Variants in MALT1 observed in about 807,000 individuals in gnomAD.
The protein encoded by MALT1 is mucosa-associated lymphoid tissue lymphoma translocation protein 1.
Under a neutral mutation model 85.5 loss-of-function variants are expected in MALT1, and 36 were observed. The ratio of observed to expected loss-of-function variants is 0.42; its 90% CI spans 0.32 to 0.56. The LOEUF (loss-of-function observed/expected upper bound fraction) is 0.56, where lower values mean the gene tolerates loss of function less well. Among genes scored for constraint, MALT1 ranks in the 20% least tolerant of loss-of-function variants. The probability of loss-of-function intolerance (pLI) is 0.10; values close to 1 mark genes in which losing one functional copy is unlikely to be tolerated. For missense variants in MALT1, 716 were observed against 981.6 expected (o/e 0.73, Z 3.62); for synonymous variants, 359 against 361.3 (o/e 0.99, Z 0.07).
chr18:58,724,391 A>G lies in MALT1; in HGVS notation c.1222+1140A>G, dbSNP rs9966687. 4.9e-3 allele frequency among the ~76,000 whole-genome samples: 746 copies of G among 152,336 alleles called. 10 individuals carry two copies. The highest frequency in any genetic ancestry group is 0.017 in the African/African-American group (709 of 41,578). On this transcript the variant is annotated intron_variant, in intron 10 of 16. Coordinates refer to ENST00000649217, the MANE Select transcript of MALT1 (RefSeq NM_006785.4). ...ACACCTCAAATGTGAGATTTCAGCT[A>G]TTATGCTGATGTGTTAATAAAACTT...
chr18:58,714,765 G>A (rs369388651), intron 8 of MALT1, among the ~76,000 whole-genome samples: 6 of 150,776 alleles, frequency 4.0e-5, no homozygotes, highest in Non-Finnish European at 8.9e-5. Context: ...TATCAACCTC[G>A]TGTAGGCTTT....
chr18:58,693,625 T>TACC (rs996197138), intron 2 of MALT1, among the ~76,000 whole-genome samples: 49 of 152,222 alleles, frequency 3.2e-4, no homozygotes, highest in African/African-American at 1.1e-3. Flanking sequence ...AGTGCCCATT[T>TACC]ACCATTCTGA....
intron 10 of MALT1, among the ~76,000 whole-genome samples, chr18:58,730,786 C>T (rs573090906): frequency 2.0e-5 from 3 of 152,180 alleles, no homozygotes; most frequent in Non-Finnish European, 2.9e-5. Flanking sequence ...GCATCCTTGC[C>T]AACACTTGTT....
chr18:58,677,367 A>G (rs2054256881), intron 1 of MALT1, among the ~76,000 whole-genome samples: 1 of 152,302 alleles, frequency 6.6e-6, no homozygotes, highest in East Asian at 1.9e-4. Context: ...GCATTTGATG[A>G]GATGGCTTCT....
At chr18:58,742,810 T>C (rs1602343130) in intron 14 of MALT1, among the ~76,000 whole-genome samples, 1 of 152,362 alleles carries the variant, frequency 6.6e-6, no homozygotes, top group South Asian at 2.1e-4. Flanking sequence ...CTCTGTACTT[T>C]TGATTATTCG....
At position 58,752,308 on chromosome 18, in the gene MALT1, G is replaced by T. The variant is rs775886211; in HGVS notation, c.*4466G>T. 6.6e-6 allele frequency: 1 copy of T among 152,098 alleles called. No homozygotes were observed. The highest frequency in any genetic ancestry group is 1.5e-5 in the Non-Finnish European group (1 of 68,006). 9.4% of individuals were successfully genotyped at this position (152,098 alleles called of 1,614,324 possible). The stretch of plus-strand genomic sequence containing the variant: ...GATGTATGTAATTTTACTTTTAAGG[G>T]TTTTTTTCCAAACAGACGTCCTGAC... On this transcript the variant is annotated 3_prime_UTR_variant, in exon 17 of 17. Coordinates refer to ENST00000649217, the MANE Select transcript of MALT1 (RefSeq NM_006785.4).
At chr18:58,708,865 G>A (rs1209992844) in intron 4 of MALT1, among the ~76,000 whole-genome samples, 4 of 152,188 alleles carry the variant, frequency 2.6e-5, no homozygotes, top group African/African-American at 4.8e-5. Flanking sequence ...TATTAAATGA[G>A]TGTTAAGTAA....
At chr18:58,716,048 G>GT in intron 9 of MALT1, 81 bp downstream of exon 9, 1 of 1,045,708 alleles carries the variant, frequency 9.6e-7, no homozygotes. Flanking sequence ...TTTTAATTTG[G>GT]TTTTTTAAAG....
chr18:58,727,373 G>C (rs754468629), intron 10 of MALT1, among the ~76,000 whole-genome samples: 1 of 152,020 alleles, frequency 6.6e-6, no homozygotes, highest in African/African-American at 2.4e-5. Flanking sequence ...GCGCAATCTC[G>C]GCTCACGGCA....
At chr18:58,717,930 A>G (rs1406528023) in intron 9 of MALT1, among the ~76,000 whole-genome samples, 1 of 152,194 alleles carries the variant, frequency 6.6e-6, no homozygotes, top group Non-Finnish European at 1.5e-5. Context: ...AGGAGCATAC[A>G]TATGTCTTAG....
At chr18:58,722,951 A>C in intron 9 of MALT1, 97 bp from the exon 10 acceptor site, 1 of 742,298 alleles carries the variant, frequency 1.3e-6, no homozygotes, top group Non-Finnish European at 2.2e-6. Context: ...GAAATAATGC[A>C]ATCTTAAAGC....
intron 14 of MALT1, 99 bp downstream of exon 14, chr18:58,742,113 A>C (rs998702286): frequency 7.5e-6 from 8 of 1,066,728 alleles, no homozygotes; most frequent in Non-Finnish European, 1.0e-5. Context: ...TTTTACAGTG[A>C]AAATATTTTG....
intron 16 of MALT1, among the ~76,000 whole-genome samples, chr18:58,746,285 C>G (rs995074615): frequency 3.9e-5 from 6 of 152,240 alleles, no homozygotes; most frequent in African/African-American, 1.4e-4. Context: ...TCCCAAAGCA[C>G]TCGGAGTACA....
intron 2 of MALT1, among the ~76,000 whole-genome samples, chr18:58,695,618 C>T (rs536333044): frequency 1.3e-5 from 2 of 152,264 alleles, no homozygotes; most frequent in East Asian, 3.9e-4. Flanking sequence ...TACAGTACCA[C>T]AGACTGGGTA....
intron 10 of MALT1, among the ~76,000 whole-genome samples, chr18:58,730,928 C>T (rs1354287672): frequency 1.3e-5 from 2 of 152,122 alleles, no homozygotes; most frequent in Admixed American, 1.3e-4. Flanking sequence ...GCATCAGATC[C>T]TTTGCCTATT....
rs1251199354 is a variant in MALT1 at position 58,747,904 on chromosome 18, T to G, written c.*62T>G. ...CCTGTGAAATAGTACTGCACTTACA[T>G]AAAGTGAGACATTGTGAAAAGGCAA... On this transcript the variant is annotated 3_prime_UTR_variant, in exon 17 of 17. Coordinates refer to ENST00000649217, the MANE Select transcript of MALT1 (RefSeq NM_006785.4). The G allele has an allele frequency of 7.2e-7, 1 of 1,382,162 alleles. No individual in the cohort carries two copies. The highest frequency in any genetic ancestry group is 2.3e-5 in the East Asian group (1 of 43,644). The allele number at this position is 1,382,162 out of a possible 1,614,324, so 85.6% of individuals were successfully genotyped here.
In MALT1 at chr18:58,752,724, C is replaced by T. The variant is rs1407333134; in HGVS notation, c.*4882C>T. ...CTGAAGTGGGACGATCGCTTGAGCCCAGAAGGCAGAGGTTACGGTGAGTAG... is the reference window on the plus strand; with the variant it reads ...CTGAAGTGGGACGATCGCTTGAGCCTAGAAGGCAGAGGTTACGGTGAGTAG... On this transcript the variant is annotated 3_prime_UTR_variant, in exon 17 of 17. Transcript: ENST00000649217. 6.6e-6 allele frequency: 1 copy of T among 152,136 alleles called. No individual in the cohort carries two copies. Among genetic ancestry groups the T allele is most frequent in the Non-Finnish European group, 1.5e-5 (1 of 68,074 alleles). The allele number at this position is 152,136 out of a possible 1,614,324, so 9.4% of individuals were successfully genotyped here. A position where few individuals can be genotyped will look rare whatever the true frequency, so the allele number is the denominator to read the frequency against.
intron 13 of MALT1, among the ~76,000 whole-genome samples, chr18:58,739,093 T>C (rs1384362395): frequency 2.6e-5 from 4 of 152,180 alleles, no homozygotes; most frequent in African/African-American, 9.7e-5. Context: ...GAAAATAGGA[T>C]GTTTCTTTTC....
chr18:58,702,041 C>G (rs2054679253), intron 4 of MALT1, among the ~76,000 whole-genome samples: 1 of 152,012 alleles, frequency 6.6e-6, no homozygotes, highest in African/African-American at 2.4e-5. Flanking sequence ...CTGAAGGATT[C>G]TTGATATCTA....
Sources: gnomAD v4.1 joint callset for allele counts (sites outside exome capture counted in the v4.1 genomes callset) on GRCh38, gnomAD v4.1.1 for gene constraint, MANE v1.5 for transcripts, NCBI Gene and HGNC (gene_info 2026-07-23, HGNC 2026-07-21) for gene names.